PLCH1: variants seen among roughly 807,000 people sequenced by gnomAD.
The protein encoded by PLCH1 is phospholipase C eta 1, also known as 1-phosphatidylinositol 4,5-bisphosphate phosphodiesterase eta-1.
PLCH1 carries 60 observed loss-of-function variants against 126.7 expected under a neutral mutation model. The observed-to-expected ratio is 0.47, with a 90% CI of 0.38 to 0.59. PLCH1 has a LOEUF of 0.59. Ranked by LOEUF, PLCH1 falls within the 20% of genes least tolerant of loss-of-function variation. PLCH1 has a pLI of 0.00. For synonymous variants in PLCH1, 719 were observed against 734.9 expected, an observed-to-expected ratio of 0.98 and a Z score of 0.35; for missense variants, 1,723 against 2,040.0, an observed-to-expected ratio of 0.84 and a Z score of 2.99.
chr3:155,634,446 C>G (rs1024487518), intron 2 of PLCH1, among the ~76,000 whole-genome samples: 1 of 152,208 alleles, frequency 6.6e-6, no homozygotes, highest in South Asian at 2.1e-4. Flanking sequence ...AGAGGCCTCA[C>G]TGTGGTGAGT....
intron 2 of PLCH1, among the ~76,000 whole-genome samples, chr3:155,636,779 G>A (rs1018066986): frequency 2.6e-4 from 40 of 151,732 alleles, no homozygotes; most frequent in African/African-American, 9.2e-4. Flanking sequence ...GTGTCTCAGC[G>A]TGATTCCATG....
At chr3:155,736,696 C>T (rs1162425345) in intron 1 of PLCH1, among the ~76,000 whole-genome samples, 3 of 152,128 alleles carry the variant, frequency 2.0e-5, no homozygotes, top group Non-Finnish European at 2.9e-5. Context: ...CCTTAGAGAA[C>T]ACTAGTTTTA....
intron 10 of PLCH1, among the ~76,000 whole-genome samples, chr3:155,539,605 CCAA>C (rs2108379945): frequency 6.6e-6 from 1 of 151,836 alleles, no homozygotes; most frequent in Non-Finnish European, 1.5e-5. Flanking sequence ...CTGCTATATA[CCAA>C]CAACAACCAA....
rs1717176121 is a variant in PLCH1, at chr3:155,497,266, A to C, written c.1894+54T>G. 4 of 1,215,790 alleles carry C rather than the reference A, an allele frequency of 3.3e-6. No homozygotes were observed. The South Asian group carries it at 5.1e-5, about 16-fold the overall frequency. The allele number at this position is 1,215,790 out of a possible 1,614,324, so 75.3% of individuals were successfully genotyped here. ...ACAAAAATTCATTAACAATTGAAAAAGAAAGGTCAAGAATGTTTATTCAGA... is the reference window on the plus strand; with the variant it reads ...ACAAAAATTCATTAACAATTGAAAACGAAAGGTCAAGAATGTTTATTCAGA... On this transcript the variant is annotated intron_variant, in intron 15 of 22. Coordinates refer to ENST00000460012, the MANE Select transcript of PLCH1 (RefSeq NM_014996.4).
intron 1 of PLCH1, among the ~76,000 whole-genome samples, chr3:155,716,798 C>G (rs1269282643): frequency 6.6e-6 from 1 of 152,174 alleles, no homozygotes; most frequent in African/African-American, 2.4e-5. Flanking sequence ...CCTTGGCCCC[C>G]CAAATCTCAT....
intron 2 of PLCH1, among the ~76,000 whole-genome samples, chr3:155,655,521 G>C (rs1197126720): frequency 1.3e-5 from 2 of 152,034 alleles, no homozygotes; most frequent in Non-Finnish European, 2.9e-5. Context: ...GATCAGTCTT[G>C]CACTTTCAGA....
intron 2 of PLCH1, among the ~76,000 whole-genome samples, chr3:155,691,555 T>G (rs1287092238): frequency 6.6e-6 from 1 of 152,226 alleles, no homozygotes; most frequent in Non-Finnish European, 1.5e-5. Flanking sequence ...TTTTCTCACA[T>G]GTAGCGTAAC....
rs529238702 is a variant in PLCH1, at chr3:155,692,589, T to C, written c.79+11557A>G. On this transcript the variant is annotated intron_variant, in intron 2 of 22. Coordinates refer to ENST00000460012, the MANE Select transcript of PLCH1 (RefSeq NM_014996.4). ...TTTTGTTTTGTTTTAACTTGGTAGC[T>C]GGGCACTTACCACAGCAACATCTTG... Among the ~76,000 whole-genome samples the C allele has an allele frequency of 2.6e-5, 4 of 152,162 alleles. No homozygotes were observed. In the South Asian group the frequency reaches 6.2e-4, roughly 24 times the overall value.
chr3:155,500,481 G>C (rs1444012101), intron 14 of PLCH1, among the ~76,000 whole-genome samples: 1 of 152,174 alleles, frequency 6.6e-6, no homozygotes, highest in Non-Finnish European at 1.5e-5. Context: ...CTTGACAACT[G>C]CTGCAGCTAA....
chr3:155,672,832 T>C (rs1219934454), intron 2 of PLCH1, among the ~76,000 whole-genome samples: 1 of 152,158 alleles, frequency 6.6e-6, no homozygotes, highest in Non-Finnish European at 1.5e-5. Context: ...GACACCAATG[T>C]GGACTTGAGA....
chr3:155,651,499 A>G (rs987973341), intron 2 of PLCH1, among the ~76,000 whole-genome samples: 3 of 152,192 alleles, frequency 2.0e-5, no homozygotes, highest in Non-Finnish European at 4.4e-5. Flanking sequence ...ATGACTCAAA[A>G]GAGAACTTTT....
chr3:155,688,848 A>G (rs1745155020), intron 2 of PLCH1, among the ~76,000 whole-genome samples: 6 of 152,194 alleles, frequency 3.9e-5, no homozygotes, highest in Admixed American at 2.0e-4. Context: ...AGAACTTTGT[A>G]TTGTGGCCTG....
intron 2 of PLCH1, among the ~76,000 whole-genome samples, chr3:155,700,307 T>C (rs897010764): frequency 7.9e-5 from 12 of 152,324 alleles, no homozygotes; most frequent in African/African-American, 2.6e-4. Flanking sequence ...CTAAGTCAAT[T>C]AGTTTTATTA....
intron 8 of PLCH1, among the ~76,000 whole-genome samples, chr3:155,554,708 T>A (rs550600370): frequency 6.6e-6 from 1 of 152,370 alleles, no homozygotes; most frequent in East Asian, 1.9e-4. Flanking sequence ...TAAAATAACA[T>A]CAACTTCCTA....
chr3:155,698,493 GAAGAA>G (rs1431363507), intron 2 of PLCH1, among the ~76,000 whole-genome samples: 1 of 152,210 alleles, frequency 6.6e-6, no homozygotes, highest in East Asian at 1.9e-4. Context: ...GACAGGGGAA[GAAGAA>G]AAGGAGATAA....
At chr3:155,689,261 T>C (rs1330997465) in intron 2 of PLCH1, among the ~76,000 whole-genome samples, 1 of 152,152 alleles carries the variant, frequency 6.6e-6, no homozygotes, top group African/African-American at 2.4e-5. Context: ...TTATTGGACT[T>C]GGGACCCAAG....
rs1745556659 is a variant in PLCH1 at position 155,693,403 on chromosome 3, TG to T, written c.79+10742del. 6.1e-5 allele frequency among the ~76,000 whole-genome samples: 2 copies of T among 32,602 alleles called. 1 individual carries two copies. The highest frequency in any genetic ancestry group is 8.8e-5 in the Non-Finnish European group (2 of 22,740). 21.4% of individuals were successfully genotyped at this position (32,602 alleles called of 152,430 possible). ...TGGCGTGAACCCGGGAAGCGGAGCT[TG>T]CAGTGAGCCGAGATTGCGCCACTGC... is the stretch of plus-strand genomic sequence containing the variant. On this transcript the variant is annotated intron_variant, in intron 2 of 22. Coordinates refer to ENST00000460012, the MANE Select transcript of PLCH1 (RefSeq NM_014996.4).
chr3:155,743,632 G>A (rs1190642496), intron 1 of PLCH1: 1 of 406,592 alleles, frequency 2.5e-6, no homozygotes, highest in South Asian at 1.8e-5. Context: ...CCCCAAAGGT[G>A]ACCAAAACGC....
chr3:155,628,644 T>C (rs1279027502), intron 2 of PLCH1, among the ~76,000 whole-genome samples: 1 of 152,128 alleles, frequency 6.6e-6, no homozygotes, highest in Non-Finnish European at 1.5e-5. Flanking sequence ...TGTATGCTTT[T>C]CTCTTGTTAA....
Sources: gnomAD v4.1 joint callset for allele counts (sites outside exome capture counted in the v4.1 genomes callset) on GRCh38, gnomAD v4.1.1 for gene constraint, MANE v1.5 for transcripts, NCBI Gene and HGNC (gene_info 2026-07-23, HGNC 2026-07-21) for gene names.